The following ATP9B variants were observed in gnomAD, a reference collection of about 807,000 sequenced individuals.
ATP9B encodes the protein ATPase phospholipid transporting 9B.
Under a neutral mutation model 146.1 loss-of-function variants are expected in ATP9B, and 110 were observed. The ratio of observed to expected loss-of-function variants is 0.75; its 90% confidence interval spans 0.65 to 0.88. The LOEUF is 0.88. Among genes scored for constraint, ATP9B ranks in the 40% least tolerant of loss-of-function variants. The pLI is 0.00. For synonymous variants in ATP9B, 604 were observed against 569.7 expected (o/e 1.06, Z -0.86); for missense variants, 1,499 against 1,496.4 (o/e 1.00, Z -0.03).
intron 4 of ATP9B, among the ~76,000 whole-genome samples, chr18:79,125,187 C>T (rs492303): frequency 1.3e-5 from 2 of 151,942 alleles, no homozygotes; most frequent in African/African-American, 4.8e-5. Context: ...GAGGAGAAGA[C>T]TTGATGTGCT....
At chr18:79,238,636 C>T (rs1236074768) in intron 11 of ATP9B, among the ~76,000 whole-genome samples, 5 of 152,200 alleles carry the variant, frequency 3.3e-5, no homozygotes, top group Non-Finnish European at 5.9e-5. Flanking sequence ...CCTGCTGTCT[C>T]GGCAGCTGTG....
chr18:79,298,222 A>T (rs1361098587), intron 13 of ATP9B, among the ~76,000 whole-genome samples: 2 of 146,894 alleles, frequency 1.4e-5, no homozygotes, highest in Non-Finnish European at 3.0e-5. Context: ...TAGAAAATCC[A>T]AGGAATGTAC....
intron 7 of ATP9B, among the ~76,000 whole-genome samples, chr18:79,155,332 C>T (rs2094757891): frequency 6.6e-6 from 1 of 152,130 alleles, no homozygotes; most frequent in Non-Finnish European, 1.5e-5. Flanking sequence ...ATGACCTGAG[C>T]TTTCAAAAAT....
intron 1 of ATP9B, among the ~76,000 whole-genome samples, chr18:79,089,086 A>G (rs1225680814): frequency 6.6e-6 from 1 of 152,152 alleles, no homozygotes; most frequent in Non-Finnish European, 1.5e-5. Flanking sequence ...AGAATGATGC[A>G]GTGGACTTTG....
chr18:79,223,211 G>A (rs1376883644), intron 11 of ATP9B, among the ~76,000 whole-genome samples: 2 of 152,150 alleles, frequency 1.3e-5, no homozygotes, highest in Non-Finnish European at 2.9e-5. Context: ...TCCAGCTGTG[G>A]TGTACTTTGC....
At chr18:79,200,789 G>GTCAGGGTCA in intron 9 of ATP9B, among the ~76,000 whole-genome samples, 1 of 79,160 alleles carries the variant, frequency 1.3e-5, no homozygotes, top group South Asian at 3.7e-4. Context: ...AAGTAGTGGT[G>GTCAGGGTCA]GAATTGTTTT....
Position 79,303,468 on chromosome 18 carries a change from G to A in ATP9B, c.1412-136G>A, listed in dbSNP as rs560520455. The A allele has an allele frequency of 1.2e-4, 65 of 526,058 alleles. No individual in the cohort carries two copies. The Middle Eastern group carries it at 1.3e-3, about 11-fold the overall frequency. The allele number at this position is 526,058 out of a possible 1,614,324, so 32.6% of individuals were successfully genotyped here. On this transcript the variant is annotated intron_variant, in intron 13 of 29. Transcript: ENST00000426216. ...AATAGTAGCAAGTAACAATCTTAACGCTACTTTGTATTATACAGTTGGGCA... is the reference window on the plus strand; with the variant it reads ...AATAGTAGCAAGTAACAATCTTAACACTACTTTGTATTATACAGTTGGGCA...
intron 13 of ATP9B, among the ~76,000 whole-genome samples, chr18:79,291,717 G>T (rs1186216309): frequency 6.6e-6 from 1 of 152,238 alleles, no homozygotes; most frequent in African/African-American, 2.4e-5. Context: ...TTGAATGTCA[G>T]TTTTAAGCTA....
chr18:79,214,069 T>C (rs753675232), intron 11 of ATP9B, 31 bp downstream of exon 11: 2 of 1,505,096 alleles, frequency 1.3e-6, no homozygotes, highest in Non-Finnish European at 1.8e-6. Flanking sequence ...ACTGCTTTAA[T>C]GAACTTATTT....
chr18:79,119,021 T>C (rs1485253738), intron 4 of ATP9B, among the ~76,000 whole-genome samples: 6 of 150,740 alleles, frequency 4.0e-5, no homozygotes, highest in Non-Finnish European at 5.9e-5. Context: ...TTGTGAGCCA[T>C]GATTGCGCCA....
chr18:79,241,530 G>A (rs979141561), intron 11 of ATP9B, among the ~76,000 whole-genome samples: 1 of 152,178 alleles, frequency 6.6e-6, no homozygotes, highest in African/African-American at 2.4e-5. Flanking sequence ...GTCTCACTTA[G>A]AAAGTGGCTG....
chr18:79,182,540 G>A (rs1309470886), intron 8 of ATP9B, among the ~76,000 whole-genome samples: 1 of 151,950 alleles, frequency 6.6e-6, no homozygotes, highest in Non-Finnish European at 1.5e-5. Context: ...CTTATGTGGG[G>A]CACATGGCTT....
chr18:79,170,216 T>TC (rs1261701042), intron 7 of ATP9B, among the ~76,000 whole-genome samples: 4 of 152,130 alleles, frequency 2.6e-5, no homozygotes, highest in Non-Finnish European at 5.9e-5. Context: ...TGTCAGGCAC[T>TC]CCCCAGAGCC....
intron 15 of ATP9B, among the ~76,000 whole-genome samples, chr18:79,310,228 C>T (rs2096645146): frequency 6.6e-6 from 1 of 152,200 alleles, no homozygotes; most frequent in East Asian, 1.9e-4. Flanking sequence ...CATGAGGAGG[C>T]GGAGCTGGCG....
chr18:79,189,944 C>T lies in ATP9B; in HGVS notation c.874-3239C>T, dbSNP rs556665653. ...CATGTGAGCACCATGAGCGAGCACT[C>T]GGAACTGTGATGCACAGGGTCCTGG... On this transcript the variant is annotated intron_variant, in intron 8 of 29. Transcript: ENST00000426216. 1.2e-4 allele frequency among the ~76,000 whole-genome samples: 18 copies of T among 152,320 alleles called. No homozygotes were observed. In the South Asian group the frequency reaches 2.9e-3, roughly 25 times the overall value.
At chr18:79,202,630 T>A (rs891777493) in intron 9 of ATP9B, among the ~76,000 whole-genome samples, 1 of 152,234 alleles carries the variant, frequency 6.6e-6, no homozygotes, top group Non-Finnish European at 1.5e-5. Context: ...ATTTTAGAGA[T>A]AATTTATTTT....
intron 11 of ATP9B, among the ~76,000 whole-genome samples, chr18:79,252,638 A>G (rs2096038322): frequency 6.6e-6 from 1 of 152,186 alleles, no homozygotes; most frequent in Non-Finnish European, 1.5e-5. Context: ...CAGCCAAAAA[A>G]TTGAACTGAT....
intron 8 of ATP9B, among the ~76,000 whole-genome samples, chr18:79,184,763 A>G (rs544089361): frequency 8.3e-4 from 127 of 152,218 alleles, no homozygotes; most frequent in Non-Finnish European, 1.4e-3. Context: ...GAGTCCTTAA[A>G]TGACTGGAGG....
At chr18:79,072,994 T>A (rs1292015798) in intron 1 of ATP9B, among the ~76,000 whole-genome samples, 1 of 150,544 alleles carries the variant, frequency 6.6e-6, no homozygotes, top group Non-Finnish European at 1.5e-5. Flanking sequence ...CTAGACGGGA[T>A]GACGGCCAGG....
Sources: gnomAD v4.1 joint callset for allele counts (sites outside exome capture counted in the v4.1 genomes callset) on GRCh38, gnomAD v4.1.1 for gene constraint, MANE v1.5 for transcripts, NCBI Gene and HGNC (gene_info 2026-07-23, HGNC 2026-07-21) for gene names.